FBXL13: variants seen among roughly 807,000 people sequenced by gnomAD.
The protein encoded by FBXL13 is F-box and leucine rich repeat protein 13.
Under a neutral mutation model 83.6 loss-of-function variants are expected in FBXL13, and 67 were observed. The ratio of observed to expected loss-of-function variants is 0.80; its 90% CI spans 0.66 to 0.98. The LOEUF is 0.98. Among genes scored for constraint, FBXL13 ranks in the 50% least tolerant of loss-of-function variants. The pLI, the probability that FBXL13 is intolerant of heterozygous loss-of-function variation, is 0.00. For missense variants in FBXL13, 822 were observed against 866.5 expected (o/e 0.95, Z 0.64); for synonymous variants, 272 against 299.5 (o/e 0.91, Z 0.95).
chr7:102,940,478 G>A (rs1325031197), intron 8 of FBXL13, among the ~76,000 whole-genome samples: 2 of 152,110 alleles, frequency 1.3e-5, no homozygotes, highest in Non-Finnish European at 2.9e-5. Context: ...CCAAAGTGCT[G>A]GGATTACAGG....
intron 10 of FBXL13, among the ~76,000 whole-genome samples, chr7:102,924,256 A>T (rs1046443925): frequency 1.4e-4 from 22 of 151,878 alleles, no homozygotes; most frequent in African/African-American, 5.3e-4. Flanking sequence ...AAAAAAAAAA[A>T]GTAAAACTAT....
intron 11 of FBXL13, among the ~76,000 whole-genome samples, chr7:102,884,546 G>A (rs1298332799): frequency 6.6e-6 from 1 of 152,030 alleles, no homozygotes; most frequent in Admixed American, 6.6e-5. Flanking sequence ...ATGCAGCAGT[G>A]CATGCCTGTA....
intron 1 of FBXL13, among the ~76,000 whole-genome samples, chr7:103,065,125 C>A (rs892876482): frequency 3.3e-5 from 5 of 152,112 alleles, no homozygotes; most frequent in African/African-American, 9.7e-5. Flanking sequence ...GACTACACAG[C>A]CAAATCAAAT....
At position 102,968,103 on chromosome 7, in the gene FBXL13, GAGGTAGA is replaced by G; in HGVS notation, c.503_509del (p.Phe168SerfsTer3). ...CACATATTATCACATCTTTTAAACT[GAGGTAGA>G]AGAAAATCTAAACACAAAGAAAAAT... On this transcript the variant is annotated frameshift_variant, in exon 7 of 20. Coordinates refer to ENST00000313221, the Ensembl canonical transcript of FBXL13. LOFTEE classifies it high-confidence loss of function. The G allele has an allele frequency of 6.2e-7, 1 of 1,611,394 alleles. No individual in the cohort carries two copies. The highest frequency in any genetic ancestry group is 8.5e-7 in the Non-Finnish European group (1 of 1,178,310).
intron 10 of FBXL13, among the ~76,000 whole-genome samples, chr7:102,916,877 T>C (rs1563086734): frequency 1.3e-5 from 2 of 152,334 alleles, no homozygotes; most frequent in East Asian, 1.9e-4. Context: ...ACAATTCTTA[T>C]AGAAACTACA....
chr7:102,834,918 A>G (rs1801608736), intron 17 of FBXL13, among the ~76,000 whole-genome samples: 1 of 141,440 alleles, frequency 7.1e-6, no homozygotes, highest in Non-Finnish European at 1.6e-5. Context: ...GTGTGTGTGT[A>G]TCAAAACAGC....
chr7:103,003,881 T>C (rs1790699910), intron 6 of FBXL13, among the ~76,000 whole-genome samples: 1 of 152,234 alleles, frequency 6.6e-6, no homozygotes, highest in East Asian at 1.9e-4. Flanking sequence ...CCATCTCTTC[T>C]GTTTGAGTTT....
In FBXL13 at chr7:103,055,135, A is replaced by G. The variant is rs1027237234; in HGVS notation, c.-1+509T>C. The stretch of plus-strand genomic sequence containing the variant: ...AGTTGTTCCAGGTAAGTTTCAGACA[A>G]TCTTCGAATGTTTGGTTTCATTGAT... On this transcript the variant is annotated intron_variant, in intron 2 of 19. Coordinates refer to ENST00000313221, the Ensembl canonical transcript of FBXL13. 3.9e-6 allele frequency: 5 copies of G among 1,289,418 alleles called. No homozygotes were observed. The South Asian group carries it at 6.2e-5, about 16-fold the overall frequency. The allele number at this position is 1,289,418 out of a possible 1,614,324, so 79.9% of individuals were successfully genotyped here. A position where few individuals can be genotyped will look rare whatever the true frequency, so the allele number is the denominator to read the frequency against.
intron 8 of FBXL13, among the ~76,000 whole-genome samples, chr7:102,960,311 A>C (rs1016946071): frequency 1.3e-5 from 2 of 152,104 alleles, no homozygotes; most frequent in African/African-American, 4.8e-5. Flanking sequence ...GAATAGACCA[A>C]TAACAGGAGC....
chr7:102,989,166 G>C (rs1378448995), intron 6 of FBXL13, among the ~76,000 whole-genome samples: 2 of 152,172 alleles, frequency 1.3e-5, no homozygotes, highest in Non-Finnish European at 2.9e-5. Flanking sequence ...AACCACAAAA[G>C]CACTAGAAAA....
intron 6 of FBXL13, among the ~76,000 whole-genome samples, chr7:103,021,271 G>C (rs544405425): frequency 6.6e-6 from 1 of 152,246 alleles, no homozygotes; most frequent in Admixed American, 6.5e-5. Flanking sequence ...GGAAAAACTG[G>C]CTAGCCATAT....
intron 8 of FBXL13, among the ~76,000 whole-genome samples, chr7:102,957,444 C>T (rs1466202259): frequency 6.6e-6 from 1 of 152,048 alleles, no homozygotes; most frequent in Non-Finnish European, 1.5e-5. Flanking sequence ...AGAAGAAAAC[C>T]TAGACAATAT....
chr7:102,939,665 A>C (rs1821022477), intron 8 of FBXL13: 9 of 1,241,934 alleles, frequency 7.2e-6, no homozygotes, highest in Non-Finnish European at 1.0e-5. Context: ...ATATACAGTA[A>C]ATTCAGTTTA....
chr7:103,028,735 T>C, exon 4 of FBXL13: 8 of 1,584,446 alleles, frequency 5.0e-6, no homozygotes, highest in Non-Finnish European at 6.0e-6. Flanking sequence ...GTACGAGCTA[T>C]GTCTCTCCAA....
chr7:102,838,341 C>T (rs1182279394), intron 17 of FBXL13, among the ~76,000 whole-genome samples: 1 of 151,948 alleles, frequency 6.6e-6, no homozygotes, highest in Non-Finnish European at 1.5e-5. Context: ...TTGAACAGTA[C>T]CTTGCACATA....
intron 19 of FBXL13, among the ~76,000 whole-genome samples, chr7:102,819,806 A>G (rs1798554783): frequency 6.6e-6 from 1 of 152,172 alleles, no homozygotes; most frequent in Non-Finnish European, 1.5e-5. Flanking sequence ...TAGGTAAGGG[A>G]TTAGAGATCA....
chr7:102,899,769 A>G (rs1237078625), intron 11 of FBXL13, among the ~76,000 whole-genome samples: 3 of 152,198 alleles, frequency 2.0e-5, no homozygotes, highest in African/African-American at 4.8e-5. Flanking sequence ...AAGAACCTAC[A>G]GTGTGTATCT....
At chr7:102,979,531 G>A (rs1299141356) in intron 6 of FBXL13, among the ~76,000 whole-genome samples, 3 of 152,112 alleles carry the variant, frequency 2.0e-5, no homozygotes, top group Admixed American at 6.5e-5. Flanking sequence ...ATCTTTGTAG[G>A]GGGTGGGGTA....
chr7:102,912,950 G>C, intron 11 of FBXL13, 136 bp downstream of exon 12: 1 of 1,159,652 alleles, frequency 8.6e-7, no homozygotes, highest in Non-Finnish European at 1.2e-6. Flanking sequence ...CAGCAGCTGG[G>C]GCCATGTAAT....
Sources: gnomAD v4.1 joint callset for allele counts (sites outside exome capture counted in the v4.1 genomes callset) on GRCh38, gnomAD v4.1.1 for gene constraint, MANE v1.5 for transcripts, NCBI Gene and HGNC (gene_info 2026-07-23, HGNC 2026-07-21) for gene names.